TAF11L14: variants seen among roughly 807,000 people sequenced by gnomAD.
TAF11L14 encodes the protein TATA-box binding protein associated factor 11 like 14.
exon 1 of TAF11L14, chr5:17,634,875 C>G (rs1418065320): frequency 2.5e-6 from 1 of 398,418 alleles, no homozygotes. Context: ...GAGAACATGG[C>G]CATTGCCATG....
chr5:17,635,011 C>T, exon 1 of TAF11L14: 1 of 398,370 alleles, frequency 2.5e-6, no homozygotes, highest in South Asian at 1.3e-4. Context: ...GGTTAAAGCC[C>T]AAGGGCCTCT....
In TAF11L14 at chr5:17,634,721, G is replaced by T. The variant is rs1286933909; in HGVS notation, c.262G>T (p.Ala88Ser). The T allele has an allele frequency of 7.5e-6, 3 of 398,844 alleles. No individual in the cohort carries two copies. In the Middle Eastern group the frequency reaches 1.9e-3, roughly 251 times the overall value. The allele number at this position is 398,844 out of a possible 1,614,324, so 24.7% of individuals were successfully genotyped here. The stretch of plus-strand genomic sequence containing the variant: ...GAAGGAGAGGAAGCCCAGTGTGGAT[G>T]CAGAGGAGGCTCAGAGGATGACAAC... Residue 88 changes from alanine to serine, a missense_variant, in exon 1 of 1, where the codon GCA (alanine) becomes TCA (serine). Coordinates refer to ENST00000512227, the Ensembl canonical transcript of TAF11L14.
chr5:17,634,666 C>A (rs1739775316), exon 1 of TAF11L14: 1 of 398,714 alleles, frequency 2.5e-6, no homozygotes, highest in East Asian at 3.6e-5. Flanking sequence ...CTCCTGCAGC[C>A]AAAAGACAGA....
chr5:17,634,733 C>T, the TAF11L14 span: 1 of 398,722 alleles, frequency 2.5e-6, no homozygotes, highest in Non-Finnish European at 4.4e-6. Flanking sequence ...AGAGGAGGCT[C>T]AGAGGATGAC....
exon 1 of TAF11L14, chr5:17,634,569 A>C (rs1739773824): frequency 2.5e-6 from 1 of 398,288 alleles, no homozygotes; most frequent in Non-Finnish European, 4.4e-6. Flanking sequence ...GGGAACTTGG[A>C]AGAACCCAGG....
chr5:17,634,715 G>A (rs1561017627), exon 1 of TAF11L14: 1 of 398,834 alleles, frequency 2.5e-6, no homozygotes, highest in Non-Finnish European at 4.4e-6. Context: ...GAAGCCCAGT[G>A]TGGATGCAGA....
chr5:17,634,579 G>C (rs1579629029), exon 1 of TAF11L14: 1 of 398,196 alleles, frequency 2.5e-6, no homozygotes. Flanking sequence ...AAGAACCCAG[G>C]GCTCAGGAAT....
chr5:17,634,931 C>G, exon 1 of TAF11L14: 1 of 398,556 alleles, frequency 2.5e-6, no homozygotes. Flanking sequence ...GGAAGAGGCC[C>G]TGGACATGTG....
chr5:17,634,558 T>A (rs990944086), exon 1 of TAF11L14: 1 of 398,216 alleles, frequency 2.5e-6, no homozygotes, highest in Non-Finnish European at 4.4e-6. Flanking sequence ...AGGCCCTAGA[T>A]GGGAACTTGG....
In TAF11L14 at chr5:17,634,966, A is replaced by T. The variant is rs1467070587; in HGVS notation, c.507A>T (p.Pro169=). 9 of 398,280 alleles carry T rather than the reference A, an allele frequency of 2.3e-5. No homozygotes were observed. The East Asian group carries it at 3.2e-4, about 14-fold the overall frequency. The allele number at this position is 398,280 out of a possible 1,614,324, so 24.7% of individuals were successfully genotyped here. Residue 169 remains proline (P), a synonymous_variant, in exon 1 of 1, where the codon CCA becomes CCT. Coordinates refer to ENST00000512227, the Ensembl canonical transcript of TAF11L14. ...GTGAGATGTGGGGAGAAATGCCCCCATTGCAGCCCATGGATTTAAGGGAGG... is the reference window on the plus strand; with the variant it reads ...GTGAGATGTGGGGAGAAATGCCCCCTTTGCAGCCCATGGATTTAAGGGAGG...
exon 1 of TAF11L14, chr5:17,634,946 A>T (rs765450022): frequency 5.0e-6 from 2 of 398,276 alleles, no homozygotes; most frequent in Non-Finnish European, 8.9e-6. Flanking sequence ...CATGTGTGAG[A>T]TGTGGGGAGA....
chr5:17,634,584 A>C (rs574537176), exon 1 of TAF11L14: 2 of 398,424 alleles, frequency 5.0e-6, no homozygotes, highest in Non-Finnish European at 4.4e-6. Flanking sequence ...CCCAGGGCTC[A>C]GGAATGTGAG....
exon 1 of TAF11L14, chr5:17,634,970 C>A (rs1462551028): frequency 5.0e-6 from 2 of 398,254 alleles, no homozygotes; most frequent in Non-Finnish European, 8.9e-6. Context: ...GCCCCCATTG[C>A]AGCCCATGGA....
exon 1 of TAF11L14, chr5:17,634,645 A>G: frequency 2.5e-6 from 1 of 398,638 alleles, no homozygotes; most frequent in Non-Finnish European, 4.4e-6. Context: ...ATGAGGCCTC[A>G]GCCTCAGCTC....
exon 1 of TAF11L14, chr5:17,634,556 G>A (rs1426954464): frequency 5.0e-6 from 2 of 398,302 alleles, no homozygotes; most frequent in African/African-American, 4.1e-5. Context: ...TGAGGCCCTA[G>A]ATGGGAACTT....
chr5:17,634,987 G>A, exon 1 of TAF11L14: 1 of 398,366 alleles, frequency 2.5e-6, no homozygotes, highest in Non-Finnish European at 4.4e-6. Context: ...TGGATTTAAG[G>A]GAGGCTGTTT....
exon 1 of TAF11L14, chr5:17,634,488 C>G: frequency 2.5e-6 from 1 of 398,336 alleles, no homozygotes; most frequent in Non-Finnish European, 4.4e-6. Context: ...ACAGGTGTGT[C>G]TGCTGAGATG....
At chr5:17,635,020 C>T (rs1340710228) in exon 1 of TAF11L14, 7 of 398,304 alleles carry the variant, frequency 1.8e-5, no homozygotes, top group African/African-American at 1.2e-4. Context: ...CCAAGGGCCT[C>T]TTCCCCAACA....
At chr5:17,634,647 C>A (rs923061980) in exon 1 of TAF11L14, 1 of 398,488 alleles carries the variant, frequency 2.5e-6, no homozygotes, top group African/African-American at 2.1e-5. Flanking sequence ...GAGGCCTCAG[C>A]CTCAGCTCCT....
Sources: allele counts gnomAD v4.1 joint callset, GRCh38; gene constraint gnomAD v4.1.1; transcripts MANE v1.5; gene names NCBI Gene and HGNC (gene_info 2026-07-23, HGNC 2026-07-21).